FNBP1L: variants seen among roughly 807,000 people sequenced by gnomAD.
FNBP1L encodes formin binding protein 1 like.
Under a neutral mutation model 91.2 loss-of-function variants are expected in FNBP1L, and 36 were observed. The ratio of observed to expected loss-of-function variants is 0.39; its 90% CI spans 0.30 to 0.52. The LOEUF (loss-of-function observed/expected upper bound fraction) is 0.52, where lower values mean the gene tolerates loss of function less well. Among genes scored for constraint, FNBP1L ranks in the 20% least tolerant of loss-of-function variants. FNBP1L has a pLI of 0.66. For missense variants in FNBP1L, 571 were observed against 732.1 expected, an observed-to-expected ratio of 0.78 and a Z score of 2.54; for synonymous variants, 242 against 237.0, an observed-to-expected ratio of 1.02 and a Z score of -0.19.
At chr1:93,521,159 T>A (rs2101749284) in intron 2 of FNBP1L, among the ~76,000 whole-genome samples, 1 of 152,266 alleles carries the variant, frequency 6.6e-6, no homozygotes, top group East Asian at 1.9e-4. Context: ...TCTTTCTGAT[T>A]TTGAAAAGAT....
intron 1 of FNBP1L, among the ~76,000 whole-genome samples, chr1:93,475,764 A>G (rs1440020574): frequency 6.6e-6 from 1 of 152,120 alleles, no homozygotes; most frequent in Admixed American, 6.5e-5. Context: ...GTAGTTGTAA[A>G]ATAATAACAA....
chr1:93,541,206 C>T lies in FNBP1L; in HGVS notation c.1164+150C>T, dbSNP rs980172395. 6 of 675,822 alleles carry T rather than the reference C, an allele frequency of 8.9e-6. No homozygotes were observed. In the East Asian group the frequency reaches 1.7e-4, roughly 19 times the overall value. The allele number at this position is 675,822 out of a possible 1,614,324, so 41.9% of individuals were successfully genotyped here. A position where few individuals can be genotyped will look rare whatever the true frequency, so the allele number is the denominator to read the frequency against. Reference sequence around the variant, plus strand: ...TATAGTTTCATAGTCCAGCATATGCCAGTACTCTTGATGTCATAAGATTAG... The same window carrying T: ...TATAGTTTCATAGTCCAGCATATGCTAGTACTCTTGATGTCATAAGATTAG... On this transcript the variant is annotated intron_variant, in intron 11 of 16. Coordinates refer to ENST00000271234, the MANE Select transcript of FNBP1L (RefSeq NM_001164473.3).
At chr1:93,536,310 C>A in intron 9 of FNBP1L, 22 bp from the exon 10 acceptor site, 1 of 1,422,328 alleles carries the variant, frequency 7.0e-7, no homozygotes, top group South Asian at 1.6e-5. Context: ...CTTATTGATT[C>A]CTTTCTTTAT....
chr1:93,495,010 G>C (rs547049328), intron 1 of FNBP1L, among the ~76,000 whole-genome samples: 2 of 109,398 alleles, frequency 1.8e-5, no homozygotes, highest in African/African-American at 6.5e-5. Flanking sequence ...CCCATGACAT[G>C]TGGGGATTAT....
chr1:93,525,722 A>G (rs981171293), intron 5 of FNBP1L, among the ~76,000 whole-genome samples: 1 of 152,216 alleles, frequency 6.6e-6, no homozygotes, highest in African/African-American at 2.4e-5. Flanking sequence ...AGAAGCATCA[A>G]AAATGTAGGA....
chr1:93,539,097 T>C (rs976589411), intron 10 of FNBP1L, among the ~76,000 whole-genome samples: 3 of 152,094 alleles, frequency 2.0e-5, no homozygotes, highest in African/African-American at 7.2e-5. Context: ...TTGAGTTTTA[T>C]TGGATACTGT....
intron 1 of FNBP1L, among the ~76,000 whole-genome samples, chr1:93,487,312 C>T (rs1333595889): frequency 6.6e-6 from 1 of 152,032 alleles, no homozygotes; most frequent in Non-Finnish European, 1.5e-5. Flanking sequence ...TTCTTTACTC[C>T]CCTATCACTT....
chr1:93,479,047 A>C (rs1428343039), intron 1 of FNBP1L, among the ~76,000 whole-genome samples: 1 of 152,240 alleles, frequency 6.6e-6, no homozygotes, highest in Non-Finnish European at 1.5e-5. Context: ...ACCCACCCCA[A>C]TATTTCAACG....
At chr1:93,526,080 T>C (rs1671484095) in intron 5 of FNBP1L, among the ~76,000 whole-genome samples, 1 of 151,964 alleles carries the variant, frequency 6.6e-6, no homozygotes, top group Non-Finnish European at 1.5e-5. Context: ...AGGAAAAAAA[T>C]TAAAAGACAG....
chr1:93,522,127 A>C lies in FNBP1L; in HGVS notation c.186A>C (p.Glu62Asp), dbSNP rs1671350104. Reference protein sequence around the residue: ...KYCPKRSSKDEEPRFTSCVAF... With the variant: ...KYCPKRSSKDDEPRFTSCVAF... ...GCCCCAAACGTTCATCCAAAGATGA[A>C]GAGCCACGGTAAATTACATACCTGT... is the stretch of plus-strand genomic sequence containing the variant. Residue 62 changes from glutamate (E) to aspartate (D), a missense_variant, in exon 3 of 17, where the codon GAA (glutamate) becomes GAC (aspartate). By Grantham distance (45) the Glu-to-Asp change is conservative. Coordinates refer to ENST00000271234, the MANE Select transcript of FNBP1L (RefSeq NM_001164473.3). The C allele has an allele frequency of 2.0e-6, 3 of 1,508,472 alleles. No individual in the cohort carries two copies. The highest frequency in any genetic ancestry group is 2.7e-6 in the Non-Finnish European group (3 of 1,126,714). 93.4% of individuals were successfully genotyped at this position (1,508,472 alleles called of 1,614,324 possible).
chr1:93,525,317 T>A (rs1363728983), intron 5 of FNBP1L, among the ~76,000 whole-genome samples: 1 of 152,110 alleles, frequency 6.6e-6, no homozygotes, highest in Non-Finnish European at 1.5e-5. Flanking sequence ...CCTGTTTTCT[T>A]TCCCTTTTAA....
chr1:93,516,378 C>T (rs1671115850), intron 2 of FNBP1L, among the ~76,000 whole-genome samples: 1 of 152,164 alleles, frequency 6.6e-6, no homozygotes, highest in South Asian at 2.1e-4. Context: ...CCTCCTTGTC[C>T]ACTTACGGTG....
intron 1 of FNBP1L, among the ~76,000 whole-genome samples, chr1:93,453,164 T>C (rs911465610): frequency 6.6e-6 from 1 of 152,224 alleles, no homozygotes; most frequent in African/African-American, 2.4e-5. Context: ...GAAATTGTCA[T>C]GGTATAAATA....
chr1:93,468,073 AAGCTGTT>A (rs1275621937), intron 1 of FNBP1L, among the ~76,000 whole-genome samples: 2 of 152,140 alleles, frequency 1.3e-5, no homozygotes, highest in Non-Finnish European at 2.9e-5. Context: ...CTCAGAAGGA[AAGCTGTT>A]GCCCATTAAG....
chr1:93,451,774 C>T (rs1016102181), intron 1 of FNBP1L, among the ~76,000 whole-genome samples: 2 of 152,050 alleles, frequency 1.3e-5, no homozygotes, highest in African/African-American at 4.8e-5. Flanking sequence ...ACCTCAGCCC[C>T]CCGAGTAGCT....
At chr1:93,457,779 TTTA>T (rs536907562) in intron 1 of FNBP1L, among the ~76,000 whole-genome samples, 3,675 of 150,228 alleles carry the variant, frequency 0.024, 121 homozygotes, top group African/African-American at 0.081. Context: ...TTTTATTTCA[TTTA>T]TTATTATTAT....
chr1:93,504,558 C>G (rs1299439578), intron 2 of FNBP1L, among the ~76,000 whole-genome samples: 1 of 152,198 alleles, frequency 6.6e-6, no homozygotes, highest in African/African-American at 2.4e-5. Flanking sequence ...ACCTCTTTAT[C>G]AGAATTTGGT....
rs371656946 is a variant in FNBP1L at position 93,470,561 on chromosome 1, A to G, written c.24+22256A>G. ...AGCTTTCTTATGTTGTTAGATGTCAATAGTTTCAGATATGAAAGTCCAGGA... is the reference window on the plus strand; with the variant it reads ...AGCTTTCTTATGTTGTTAGATGTCAGTAGTTTCAGATATGAAAGTCCAGGA... On this transcript the variant is annotated intron_variant, in intron 1 of 16. Coordinates refer to ENST00000271234, the MANE Select transcript of FNBP1L (RefSeq NM_001164473.3). 1.2e-4 allele frequency among the ~76,000 whole-genome samples: 18 copies of G among 152,246 alleles called. No homozygotes were observed. In the South Asian group the frequency reaches 2.1e-3, roughly 18 times the overall value.
At chr1:93,519,337 C>T (rs187532014) in intron 2 of FNBP1L, among the ~76,000 whole-genome samples, 60 of 152,314 alleles carry the variant, frequency 3.9e-4, no homozygotes, top group African/African-American at 1.4e-3. Flanking sequence ...TTCCCCACTT[C>T]TTTGTCTTTG....
Sources: allele counts gnomAD v4.1 joint callset (sites outside exome capture counted in the v4.1 genomes callset), GRCh38; gene constraint gnomAD v4.1.1; transcripts MANE v1.5; gene names NCBI Gene and HGNC (gene_info 2026-07-23, HGNC 2026-07-21).